The following CDV3 variants were observed in gnomAD, a reference collection of about 807,000 sequenced individuals.
The protein encoded by CDV3 is protein CDV3 homolog.
A neutral mutation model predicts 24.5 loss-of-function variants in CDV3; 14 were observed. The observed-to-expected ratio is 0.57, with a 90% CI of 0.38 to 0.89. The LOEUF is 0.89. CDV3 is among the 40% of genes least tolerant of loss of function. The pLI is 0.00. For missense variants in CDV3, 304 were observed against 310.2 expected, an observed-to-expected ratio of 0.98 and a Z score of 0.15; for synonymous variants, 114 against 114.1, an observed-to-expected ratio of 1.00 and a Z score of 0.00.
intron 2 of CDV3, 42 bp downstream of exon 2, chr3:133,575,157 A>G (rs1386665681): frequency 1.9e-6 from 2 of 1,055,864 alleles, no homozygotes; most frequent in East Asian, 4.7e-5. Flanking sequence ...CCTTTGGGAT[A>G]GATATTGGAT....
chr3:133,587,402 A>G (rs1933720249), intron 4 of CDV3: 1 of 1,200,220 alleles, frequency 8.3e-7, no homozygotes, highest in East Asian at 3.5e-5. Flanking sequence ...GTCTTAAAAA[A>G]TGTGTAAGGG....
chr3:133,587,598 C>A, intron 4 of CDV3: 1 of 1,134,392 alleles, frequency 8.8e-7, no homozygotes, highest in Non-Finnish European at 1.1e-6. Flanking sequence ...AAGTAAGAGT[C>A]TTAGGAGGAA....
chr3:133,575,747 A>C lies in CDV3; in HGVS notation c.317+632A>C, dbSNP rs114125530. Among the ~76,000 whole-genome samples the C allele has an allele frequency of 2.2e-3, 341 of 152,376 alleles. 3 individuals carry two copies. Among genetic ancestry groups the C allele is most frequent in the African/African-American group, 6.9e-3 (286 of 41,598 alleles). On this transcript the variant is annotated intron_variant, in intron 2 of 4. Transcript: ENST00000264993. ...AAACATGTTATTTTTTAAAGTTCAA[A>C]AAAATAGTAATTTTTAAAAATTGGG...
Position 133,586,725 on chromosome 3 carries a change from A to G in CDV3, c.626+3A>G. The G allele has an allele frequency of 6.4e-7, 1 of 1,555,032 alleles. No individual in the cohort carries two copies. Among genetic ancestry groups the G allele is most frequent in the Non-Finnish European group, 8.9e-7 (1 of 1,126,256 alleles). On this transcript the variant is annotated splice_donor_region_variant and intron_variant, in intron 4 of 4. Coordinates refer to ENST00000264993, the MANE Select transcript of CDV3 (RefSeq NM_017548.5). ...GCCAAGCATGTAGAAAGCCGGAAGT[A>G]AGTACTATAATTAATTGCATTTTGT...
chr3:133,575,100 A>G lies in CDV3; in HGVS notation c.302A>G (p.Gln101Arg). The change falls in exon 2 of 5, where the codon CAG (glutamine) becomes CGG (arginine). Residue 101 changes from glutamine to arginine, a missense_variant. Gln to Arg is a conservative substitution (Grantham distance 43). Around this residue, in one of 3 missense-constraint regions of CDV3, gnomAD observed 219 missense variants for 203.6 expected, o/e 1.08. Coordinates refer to ENST00000264993, the MANE Select transcript of CDV3 (RefSeq NM_017548.5). ...GTTGATTACAGCGGCCTCAGGGTTC[A>G]GGCAATGCAAATAAGGTATAGTCTG... is the stretch of plus-strand genomic sequence containing the variant. ...KEVDYSGLRV[Q>R]AMQISSEKEE... is the part of the protein sequence containing the mutation. 6.4e-7 allele frequency: 1 copy of G among 1,573,550 alleles called. No homozygotes were observed. The highest frequency in any genetic ancestry group is 8.7e-7 in the Non-Finnish European group (1 of 1,142,900).
rs2074712058 is a variant in CDV3, at chr3:133,574,230, G to A, written c.186G>A (p.Gly62=). 2.0e-6 allele frequency: 2 copies of A among 995,520 alleles called. No individual in the cohort carries two copies. Among genetic ancestry groups the A allele is most frequent in the Non-Finnish European group, 2.4e-6 (2 of 838,086 alleles). 61.7% of individuals were successfully genotyped at this position (995,520 alleles called of 1,614,324 possible). ...CGGGGACCCGGCCGGGTGACGGCGG[G>A]ACCGCCAGCGCGGGGGCTGCGGGCC... is the stretch of plus-strand genomic sequence containing the variant. ...AGAGTRPGDG[G]TASAGAAGPG... Residue 62 remains glycine (G), a synonymous_variant, in exon 1 of 5, where the codon GGG becomes GGA. Coordinates refer to ENST00000264993, the MANE Select transcript of CDV3 (RefSeq NM_017548.5).
At chr3:133,581,021 TAAA>T (rs551999289) in intron 2 of CDV3, among the ~76,000 whole-genome samples, 4 of 148,876 alleles carry the variant, frequency 2.7e-5, no homozygotes, top group Non-Finnish European at 3.0e-5. Flanking sequence ...CACTAGACAG[TAAA>T]AAAAAAACTT....
intron 1 of CDV3, chr3:133,574,838 G>T (rs2074742292): frequency 1.4e-6 from 1 of 729,828 alleles, no homozygotes; most frequent in Non-Finnish European, 2.0e-6. Context: ...GGAACCCAGC[G>T]GAAGTATAGT....
At chr3:133,580,706 A>G (rs535280757) in intron 2 of CDV3, among the ~76,000 whole-genome samples, 42 of 152,240 alleles carry the variant, frequency 2.8e-4, no homozygotes, top group Non-Finnish European at 1.2e-4. Flanking sequence ...CCATCTCAAA[A>G]AAAAAAAATA....
intron 2 of CDV3, among the ~76,000 whole-genome samples, chr3:133,581,902 C>T (rs975680496): frequency 1.1e-4 from 16 of 152,226 alleles, no homozygotes; most frequent in Admixed American, 9.8e-4. Context: ...TACATGTTAA[C>T]GAAAAGGAAA....
chr3:133,575,239 C>G, intron 2 of CDV3, 124 bp downstream of exon 2: 1 of 597,766 alleles, frequency 1.7e-6, no homozygotes, highest in Non-Finnish European at 3.1e-6. Flanking sequence ...CTTATTAGGA[C>G]TCAAATGGGT....
Position 133,586,730 on chromosome 3 carries a change from C to G in CDV3, c.626+8C>G. 6.4e-7 allele frequency: 1 copy of G among 1,557,580 alleles called. No individual in the cohort carries two copies. Among genetic ancestry groups the G allele is most frequent in the East Asian group, 2.2e-5 (1 of 44,560 alleles). ...GCATGTAGAAAGCCGGAAGTAAGTA[C>G]TATAATTAATTGCATTTTGTTTGGG... is the stretch of plus-strand genomic sequence containing the variant. On this transcript the variant is annotated splice_region_variant and intron_variant, in intron 4 of 4. Transcript: ENST00000264993.
chr3:133,582,480 CACTT>C (rs1218769656), intron 2 of CDV3, among the ~76,000 whole-genome samples: 1 of 152,222 alleles, frequency 6.6e-6, no homozygotes, highest in African/African-American at 2.4e-5. Context: ...GGCATTTTGC[CACTT>C]ACTTTTTTCC....
At chr3:133,576,451 T>C (rs573968845) in intron 2 of CDV3, among the ~76,000 whole-genome samples, 1 of 152,316 alleles carries the variant, frequency 6.6e-6, no homozygotes, top group East Asian at 1.9e-4. Flanking sequence ...CCGGTTCTGT[T>C]GTAAAGTTTG....
intron 3 of CDV3, 148 bp from the exon 4 acceptor site, chr3:133,586,415 T>G: frequency 1.7e-6 from 1 of 575,074 alleles, no homozygotes; most frequent in African/African-American, 1.9e-5. Flanking sequence ...TTTCAGACAT[T>G]TTCTGAAATG....
chr3:133,580,119 C>A (rs1262708839), intron 2 of CDV3, among the ~76,000 whole-genome samples: 2 of 152,204 alleles, frequency 1.3e-5, no homozygotes. Flanking sequence ...ATCCCTCCCC[C>A]AGTCCCCCAC....
Position 133,590,234 on chromosome 3 carries a change from C to T in CDV3, c.*2188C>T, listed in dbSNP as rs1282176772. The T allele has an allele frequency of 6.6e-6, 1 of 152,136 alleles. No homozygotes were observed. The highest frequency in any genetic ancestry group is 2.4e-5 in the African/African-American group (1 of 41,420). The allele number at this position is 152,136 out of a possible 1,614,324, so 9.4% of individuals were successfully genotyped here. A position where few individuals can be genotyped will look rare whatever the true frequency, so the allele number is the denominator to read the frequency against. On this transcript the variant is annotated 3_prime_UTR_variant, in exon 5 of 5. Transcript: ENST00000264993. ...CAGTGCAAGAATTCTGTAACATTAACAAATTCAATAAAAAGTAAATATATG... is the reference window on the plus strand; with the variant it reads ...CAGTGCAAGAATTCTGTAACATTAATAAATTCAATAAAAAGTAAATATATG...
rs1195429336 is a variant in CDV3, at chr3:133,574,050, T to C, written c.6T>C (p.Ala2=). The C allele has an allele frequency of 1.7e-5, 20 of 1,206,110 alleles. No individual in the cohort carries two copies. The highest frequency in any genetic ancestry group is 2.0e-5 in the Non-Finnish European group (19 of 947,116). The allele number at this position is 1,206,110 out of a possible 1,614,324, so 74.7% of individuals were successfully genotyped here. The change falls in exon 1 of 5, where the codon GCT becomes GCC. Residue 2 remains alanine (A), a synonymous_variant. Coordinates refer to ENST00000264993, the MANE Select transcript of CDV3 (RefSeq NM_017548.5). ...GGGTCGAGGAGGCCGAGGCCATGGC[T>C]GAGACGGAGGAGCGGAGCCTGGACA... M[A]ETEERSLDNF...
At chr3:133,582,407 T>C (rs918766400) in intron 2 of CDV3, among the ~76,000 whole-genome samples, 2 of 152,230 alleles carry the variant, frequency 1.3e-5, no homozygotes. Context: ...CTGCCTCAGC[T>C]CCCAAAGTGC....
Sources: allele counts gnomAD v4.1 joint callset (sites outside exome capture counted in the v4.1 genomes callset), GRCh38; gene constraint gnomAD v4.1.1; regional missense constraint gnomAD v4.1.1; transcripts MANE v1.5; gene names NCBI Gene and HGNC (gene_info 2026-07-23, HGNC 2026-07-21).